Variants in DMD observed in about 807,000 individuals in gnomAD.
DMD encodes mutant dystrophin.
A neutral mutation model predicts 330.1 loss-of-function variants in DMD; 63 were observed. The observed-to-expected ratio is 0.19, with a 90% CI of 0.16 to 0.24. The LOEUF is 0.24. Ranked by LOEUF, DMD falls within the 10% of genes least tolerant of loss-of-function variation. The pLI, the probability that DMD is intolerant of heterozygous loss-of-function variation, is 1.00. For synonymous variants in DMD, 1,223 were observed against 959.8 expected (o/e 1.27, Z -5.07); for missense variants, 3,344 against 2,684.1 (o/e 1.25, Z -5.43).
chrX:33,215,223 G>T (rs1259327974), upstream of DMD, among the ~76,000 whole-genome samples: 1 of 108,341 alleles, frequency 9.2e-6, no homozygotes, highest in Non-Finnish European at 1.9e-5. Flanking sequence ...CACTCAGGAG[G>T]CTGAGGCTGG....
At chrX:32,481,901 T>A (rs1351591683) in intron 21 of DMD, among the ~76,000 whole-genome samples, 2 of 112,115 alleles carry the variant, frequency 1.8e-5, no homozygotes, top group African/African-American at 6.5e-5. Flanking sequence ...AAATATTTCT[T>A]GAATTTATTA....
intron 52 of DMD, among the ~76,000 whole-genome samples, chrX:31,695,054 G>A (rs2083369234): frequency 9.0e-6 from 1 of 111,150 alleles, no homozygotes; most frequent in African/African-American, 3.3e-5. Flanking sequence ...TACAGAAAAT[G>A]TGGCTCATAT....
intron 60 of DMD, among the ~76,000 whole-genome samples, chrX:31,355,866 AT>A (rs764672835): frequency 0.22 from 22,177 of 101,308 alleles, 2,386 homozygotes; most frequent in East Asian, 0.45. Flanking sequence ...AACTGAAAAA[AT>A]AATAAAAAAA....
rs12009977 is a variant in DMD at position 31,820,621 on chromosome X, G to A, written c.7201-538C>T. On this transcript the variant is annotated intron_variant, in intron 49 of 78. Coordinates refer to ENST00000357033, the MANE Select transcript of DMD (RefSeq NM_004006.3). Reference sequence around the variant, plus strand: ...TCAACTGTCAGTCCCTTCAGGGACTGCCTGAGCTGCAGAGAGCTGCCTTGT... The same window carrying A: ...TCAACTGTCAGTCCCTTCAGGGACTACCTGAGCTGCAGAGAGCTGCCTTGT... 4.1e-3 allele frequency among the ~76,000 whole-genome samples: 462 copies of A among 111,900 alleles called. 3 individuals are homozygous for A. Among genetic ancestry groups the A allele is most frequent in the African/African-American group, 0.014 (441 of 30,854 alleles).
At position 32,292,508 on chromosome X, in the gene DMD, C is replaced by T. The variant is rs772308706; in HGVS notation, c.6118-4807G>A. On this transcript the variant is annotated intron_variant, in intron 42 of 78. Coordinates refer to ENST00000357033, the MANE Select transcript of DMD (RefSeq NM_004006.3). ...ATCTTTAGTAGAGACGGGGTTTCAC[C>T]GTGTTAGCCAGGATGGTCTCGATCT... 1.1e-4 allele frequency among the ~76,000 whole-genome samples: 12 copies of T among 108,421 alleles called. No homozygotes were observed. In the South Asian group the frequency reaches 2.5e-3, roughly 23 times the overall value. 94.2% of individuals were successfully genotyped at this position (108,421 alleles called of 115,157 possible).
intron 21 of DMD, among the ~76,000 whole-genome samples, chrX:32,483,781 C>G: frequency 2.6e-5 from 1 of 38,892 alleles, no homozygotes. Context: ...ACTACCTGTA[C>G]AGGAAAATAA....
intron 61 of DMD, among the ~76,000 whole-genome samples, chrX:31,342,699 T>C (rs150332362): frequency 0.084 from 9,388 of 111,750 alleles, 354 homozygotes; most frequent in Middle Eastern, 0.15. Flanking sequence ...TTTACCCAAA[T>C]ATATAGTGAT....
chrX:31,820,794 G>A (rs2092736701), intron 49 of DMD, among the ~76,000 whole-genome samples: 1 of 111,800 alleles, frequency 8.9e-6, no homozygotes, highest in South Asian at 3.7e-4. Context: ...CCTGTATATG[G>A]CCAGTGGTGT....
chrX:32,549,708 G>T (rs1047265941), intron 16 of DMD, among the ~76,000 whole-genome samples: 2 of 111,133 alleles, frequency 1.8e-5, no homozygotes, highest in African/African-American at 6.5e-5. Context: ...AAGAGCATTT[G>T]CCAGCATCCT....
intron 2 of DMD, among the ~76,000 whole-genome samples, chrX:32,960,755 A>G (rs2091852233): frequency 9.0e-6 from 1 of 110,726 alleles, no homozygotes; most frequent in South Asian, 3.8e-4. Flanking sequence ...ACTGACGTCC[A>G]CTTTTGCTTA....
At chrX:32,348,152 G>C (rs942626908) in intron 38 of DMD, among the ~76,000 whole-genome samples, 1 of 110,786 alleles carries the variant, frequency 9.0e-6, no homozygotes, top group Admixed American at 9.6e-5. Context: ...CCCTTGATAA[G>C]TTCAAAAGTA....
intron 7 of DMD, among the ~76,000 whole-genome samples, chrX:32,712,668 C>G (rs773649127): frequency 4.7e-4 from 52 of 111,019 alleles, no homozygotes; most frequent in Non-Finnish European, 7.6e-4. Context: ...AAATATTATA[C>G]TTTGTATATT....
intron 55 of DMD, chrX:31,508,128 A>C: frequency 1.3e-6 from 1 of 793,523 alleles, no homozygotes; most frequent in Non-Finnish European, 1.9e-6. Flanking sequence ...CCTTGGTAAG[A>C]GTTATGATAA....
chrX:31,240,830 C>A (rs931933485), intron 63 of DMD, among the ~76,000 whole-genome samples: 1 of 111,768 alleles, frequency 8.9e-6, no homozygotes, highest in Non-Finnish European at 1.9e-5. Context: ...AATAAGGAAA[C>A]CAAAGGCCTA....
At chrX:32,576,084 G>T (rs760343170) in intron 13 of DMD, among the ~76,000 whole-genome samples, 1 of 111,106 alleles carries the variant, frequency 9.0e-6, no homozygotes, top group East Asian at 2.8e-4. Flanking sequence ...TGTACTAATG[G>T]GATGCATTTA....
intron 7 of DMD, among the ~76,000 whole-genome samples, chrX:32,713,495 A>G (rs747452342): frequency 1.1e-4 from 12 of 111,567 alleles, no homozygotes; most frequent in Non-Finnish European, 2.1e-4. Context: ...CATTCCCTCC[A>G]TTGGTGCAGC....
At chrX:32,503,160 C>A (rs1569564932) in intron 18 of DMD, among the ~76,000 whole-genome samples, 1 of 111,770 alleles carries the variant, frequency 8.9e-6, no homozygotes, top group Non-Finnish European at 1.9e-5. Flanking sequence ...GGCAGGAAGA[C>A]TGCTTCAGTC....
chrX:31,654,527 T>G (rs2060369327), intron 54 of DMD, among the ~76,000 whole-genome samples: 1 of 112,046 alleles, frequency 8.9e-6, no homozygotes, highest in African/African-American at 3.2e-5. Context: ...CATCCTGTCA[T>G]AGTTGTAGTT....
intron 5 of DMD, among the ~76,000 whole-genome samples, chrX:32,820,123 G>A (rs1383070308): frequency 8.9e-6 from 1 of 112,169 alleles, no homozygotes. Context: ...ATTCCTCATT[G>A]CAAAAGCGCC....
Sources: allele counts gnomAD v4.1 joint callset (sites outside exome capture counted in the v4.1 genomes callset), GRCh38; gene constraint gnomAD v4.1.1; transcripts MANE v1.5; gene names NCBI Gene and HGNC (gene_info 2026-07-23, HGNC 2026-07-21).